Variants in NAV1 observed in about 807,000 individuals in gnomAD.
NAV1 encodes the protein pore membrane and/or filament interacting like protein 3.
In NAV1, 18 loss-of-function variants were observed where a neutral mutation model predicts 175.2. The ratio of observed to expected loss-of-function variants is 0.10; its 90% CI spans 0.07 to 0.15. NAV1 has a LOEUF of 0.15. Among genes scored for constraint, NAV1 ranks in the 10% least tolerant of loss-of-function variants. The pLI, the probability that NAV1 is intolerant of heterozygous loss-of-function variation, is 1.00. For missense variants in NAV1, 1,731 were observed against 2,436.6 expected (o/e 0.71, Z 6.10); for synonymous variants, 897 against 978.7 (o/e 0.92, Z 1.56).
chr1:201,636,471 A>ATAT (rs1668621629), intron 2 of NAV1, among the ~76,000 whole-genome samples: 1 of 152,230 alleles, frequency 6.6e-6, no homozygotes, highest in Non-Finnish European at 1.5e-5. Context: ...CCCAGCCACA[A>ATAT]TATTCATCCT....
At chr1:201,799,981 T>C (rs1462620050) in intron 15 of NAV1, among the ~76,000 whole-genome samples, 2 of 152,056 alleles carry the variant, frequency 1.3e-5, no homozygotes, top group Non-Finnish European at 2.9e-5. Flanking sequence ...CTTTATTTTT[T>C]ATTTTTTATT....
chr1:201,783,861 A>G lies in NAV1; in HGVS notation c.2804+9A>G. 1 of 1,596,128 alleles carries G rather than the reference A, an allele frequency of 6.3e-7. No homozygotes were observed. The highest frequency in any genetic ancestry group is 1.1e-5 in the South Asian group (1 of 90,218). The stretch of plus-strand genomic sequence containing the variant: ...GCTGGGCAACTGGACAGGTAGGTAG[A>G]AAAGACAGCAGAACCTCGGCCTGTC... On this transcript the variant is annotated intron_variant, in intron 7 of 29. Transcript: ENST00000367296.
intron 1 of NAV1, among the ~76,000 whole-genome samples, chr1:201,662,291 C>T (rs184380615): frequency 1.0e-3 from 154 of 152,368 alleles, no homozygotes; most frequent in African/African-American, 3.4e-3. Flanking sequence ...GGGTACCTGC[C>T]GCAGGCTGAG....
At chr1:201,699,600 C>T (rs535053254) in intron 1 of NAV1, among the ~76,000 whole-genome samples, 1 of 152,284 alleles carries the variant, frequency 6.6e-6, no homozygotes, top group Non-Finnish European at 1.5e-5. Flanking sequence ...CTTTAAAGTT[C>T]ATATAGAACC....
chr1:201,624,637 C>T (rs1320229893), intron 1 of NAV1, among the ~76,000 whole-genome samples: 1 of 151,994 alleles, frequency 6.6e-6, no homozygotes, highest in African/African-American at 2.4e-5. Context: ...TGAGCCACCG[C>T]ACCCAGCAAA....
intron 8 of NAV1, 141 bp downstream of exon 12, chr1:201,785,492 G>A (rs1676675429): frequency 1.1e-5 from 9 of 800,954 alleles, no homozygotes; most frequent in Non-Finnish European, 1.8e-5. Context: ...TCCCATACAA[G>A]TACCACCTAG....
In NAV1 at chr1:201,708,243, C is replaced by T. The variant is rs527572644; in HGVS notation, c.758-4574C>T. On this transcript the variant is annotated intron_variant, in intron 1 of 29. Coordinates refer to ENST00000367296, the Ensembl canonical transcript of NAV1. Reference sequence around the variant, plus strand: ...TAACTGTGAATTGCCGTGGTGATGGCTGGGTTGGGAGAGACTTGCATCTGT... The same window carrying T: ...TAACTGTGAATTGCCGTGGTGATGGTTGGGTTGGGAGAGACTTGCATCTGT... Among the ~76,000 whole-genome samples, 5 of 132,262 alleles carry T rather than the reference C, an allele frequency of 3.8e-5. No individual in the cohort carries two copies. The South Asian group carries it at 1.1e-3, about 30-fold the overall frequency. The allele number at this position is 132,262 out of a possible 152,430, so 86.8% of individuals were successfully genotyped here.
In NAV1 at chr1:201,624,005, T is replaced by C. The variant is rs115946694; in HGVS notation, c.-101+399T>C. Among the ~76,000 whole-genome samples the C allele has an allele frequency of 1.2e-3, 190 of 152,336 alleles. 1 individual carries two copies. Among genetic ancestry groups the C allele is most frequent in the African/African-American group, 4.3e-3 (180 of 41,570 alleles). On this transcript the variant is annotated intron_variant, in intron 1 of 29. Coordinates refer to the NAV1 transcript ENST00000367302. ...ATTCATTGTGGGACATTTGCCAACATTGTGAGTTAGACCAACTCTATTGGC... is the reference window on the plus strand; with the variant it reads ...ATTCATTGTGGGACATTTGCCAACACTGTGAGTTAGACCAACTCTATTGGC...
intron 1 of NAV1, among the ~76,000 whole-genome samples, chr1:201,677,129 G>A (rs998516584): frequency 2.6e-5 from 4 of 151,190 alleles, no homozygotes; most frequent in Non-Finnish European, 4.4e-5. Context: ...GTGCGTGCCT[G>A]TAATCCCAGC....
At chr1:201,600,899 T>C (rs1033156309) in intron 2 of NAV1, among the ~76,000 whole-genome samples, 5 of 152,204 alleles carry the variant, frequency 3.3e-5, no homozygotes, top group African/African-American at 4.8e-5. Flanking sequence ...AGGAGCCATC[T>C]CCTGGGGAGG....
chr1:201,572,394 AGT>A (rs376963258), intron 1 of NAV1, among the ~76,000 whole-genome samples: 2 of 144,254 alleles, frequency 1.4e-5, no homozygotes, highest in African/African-American at 5.2e-5. Context: ...TTTGAGACAG[AGT>A]CTTGCTCTGT....
At chr1:201,684,835 C>G (rs1351960820) in intron 1 of NAV1, among the ~76,000 whole-genome samples, 2 of 151,300 alleles carry the variant, frequency 1.3e-5, no homozygotes, top group African/African-American at 2.4e-5. Flanking sequence ...TGGTGGCGAG[C>G]GCCTGTAATC....
chr1:201,748,352 A>G (rs1467933668), intron 3 of NAV1, among the ~76,000 whole-genome samples: 1 of 152,162 alleles, frequency 6.6e-6, no homozygotes, highest in Non-Finnish European at 1.5e-5. Context: ...TGGGGTTCTC[A>G]TATGGAAATC....
intron 2 of NAV1, among the ~76,000 whole-genome samples, chr1:201,642,569 C>CCTTCCTT (rs1668825252): frequency 8.4e-6 from 1 of 119,078 alleles, no homozygotes; most frequent in African/African-American, 4.8e-5. Context: ...TCCCTTTCTT[C>CCTTCCTT]CCTTCCTTCT....
intron 1 of NAV1, among the ~76,000 whole-genome samples, chr1:201,569,872 G>A (rs2102170328): frequency 6.6e-6 from 1 of 152,264 alleles, no homozygotes; most frequent in Non-Finnish European, 1.5e-5. Flanking sequence ...CAGCTCTTAG[G>A]CTTCTGACTA....
At chr1:201,682,486 A>T (rs1400570105) in intron 1 of NAV1, among the ~76,000 whole-genome samples, 2 of 152,124 alleles carry the variant, frequency 1.3e-5, no homozygotes, top group Non-Finnish European at 2.9e-5. Flanking sequence ...AACCTTGGTG[A>T]TAAGGGCAGT....
Position 201,782,925 on chromosome 1 carries a change from A to C in NAV1, c.2357+56A>C. On this transcript the variant is annotated intron_variant, in intron 6 of 29. Coordinates refer to ENST00000367296, the Ensembl canonical transcript of NAV1. This position sits in a 1 kb window ranked among gnomAD's most constrained non-coding sequence, Gnocchi z 5.4. ...TGTTTGCTTTGTCATTCTTTCGCAT[A>C]TCTCTGCCCTCCTTGGACTAGATGA... 2 of 1,447,410 alleles carry C rather than the reference A, an allele frequency of 1.4e-6. No homozygotes were observed. The highest frequency in any genetic ancestry group is 2.2e-5 in the Admixed American group (1 of 46,058). 89.7% of individuals were successfully genotyped at this position (1,447,410 alleles called of 1,614,324 possible).
chr1:201,761,233 G>A (rs1447152292), intron 3 of NAV1, among the ~76,000 whole-genome samples: 2 of 152,182 alleles, frequency 1.3e-5, no homozygotes, highest in Non-Finnish European at 2.9e-5. Context: ...GGAAGGCCAG[G>A]GATTCTGGAG....
chr1:201,812,715 G>C lies in NAV1; in HGVS notation c.5221+54G>C. 1.3e-6 allele frequency: 2 copies of C among 1,482,338 alleles called. No homozygotes were observed. The highest frequency in any genetic ancestry group is 1.9e-6 in the Non-Finnish European group (2 of 1,064,802). 91.8% of individuals were successfully genotyped at this position (1,482,338 alleles called of 1,614,324 possible). On this transcript the variant is annotated intron_variant, in intron 27 of 29. Coordinates refer to ENST00000367296, the Ensembl canonical transcript of NAV1. The surrounding 1 kb of genome is among the most constrained non-coding windows in gnomAD (Gnocchi z 4.6). ...CAGGAGGTGGCTTCCCTTTTCCACT[G>C]TACCACCTGGAGGGATGCTCCCTTC...
Sources: gnomAD v4.1 joint callset for allele counts (sites outside exome capture counted in the v4.1 genomes callset) on GRCh38, gnomAD v4.1.1 for gene constraint, Gnocchi (gnomAD v3.1) non-coding constraint, MANE v1.5 for transcripts, NCBI Gene and HGNC (gene_info 2026-07-23, HGNC 2026-07-21) for gene names.